PTPRQ: variants seen among roughly 807,000 people sequenced by gnomAD.
PTPRQ encodes the protein phosphatidylinositol phosphatase PTPRQ.
A neutral mutation model predicts 246.0 loss-of-function variants in PTPRQ; 199 were observed. The observed-to-expected ratio is 0.81, with a 90% confidence interval of 0.72 to 0.91. PTPRQ has a LOEUF of 0.91. Ranked by LOEUF, PTPRQ falls within the 40% of genes least tolerant of loss-of-function variation. PTPRQ has a pLI of 0.00. For missense variants in PTPRQ, 2,624 were observed against 2,528.4 expected (o/e 1.04, Z -0.81); for synonymous variants, 869 against 853.2 (o/e 1.02, Z -0.32).
chr12:80,487,823 C>T (rs1474225852), intron 9 of PTPRQ, among the ~76,000 whole-genome samples: 1 of 152,050 alleles, frequency 6.6e-6, no homozygotes, highest in African/African-American at 2.4e-5. Flanking sequence ...AACAATTTTC[C>T]ACAAACTTAG....
chr12:80,546,589 G>C lies in PTPRQ; in HGVS notation c.3907G>C (p.Val1303Leu), dbSNP rs560300818. The C allele has an allele frequency of 6.5e-7, 1 of 1,548,388 alleles. No homozygotes were observed. The highest frequency in any genetic ancestry group is 2.5e-5 in the East Asian group (1 of 40,778). The part of the protein sequence containing the change: ...ISGFKTEAKL[V>L]GLEPVSTYSI... ...AGGATTTAAAACTGAAGCCAAACTT[G>C]TTGGACTGGAACCAGTCAGCACCTA... Residue 1303 changes from valine to leucine, a missense_variant, in exon 24 of 45, where the codon GTT (valine) becomes CTT (leucine). Val to Leu is a conservative substitution (Grantham distance 32). Transcript: ENST00000644991.
intron 39 of PTPRQ, among the ~76,000 whole-genome samples, chr12:80,662,329 A>G (rs1900657789): frequency 6.6e-6 from 1 of 151,988 alleles, no homozygotes; most frequent in South Asian, 2.1e-4. Flanking sequence ...GCAATATTTA[A>G]ATTACTTTTT....
intron 25 of PTPRQ, among the ~76,000 whole-genome samples, chr12:80,581,244 T>A (rs542755263): frequency 6.6e-6 from 1 of 152,152 alleles, no homozygotes; most frequent in Non-Finnish European, 1.5e-5. Flanking sequence ...TGGTAGTAGA[T>A]CTAAAAAAGA....
intron 43 of PTPRQ, among the ~76,000 whole-genome samples, chr12:80,674,216 G>A (rs1013797894): frequency 6.6e-5 from 10 of 152,044 alleles, no homozygotes; most frequent in Non-Finnish European, 1.5e-4. Flanking sequence ...CAGTAAATAC[G>A]CAGGCCTGCT....
At position 80,496,039 on chromosome 12, in the gene PTPRQ, C is replaced by T. The variant is rs2120656256; in HGVS notation, c.1923C>T (p.Ala641=). 1 of 1,550,154 alleles carries T rather than the reference C, an allele frequency of 6.5e-7. No individual in the cohort carries two copies. The highest frequency in any genetic ancestry group is 8.7e-7 in the Non-Finnish European group (1 of 1,146,272). The change falls in exon 13 of 45, where the codon GCC becomes GCT. Residue 641 remains alanine, a synonymous_variant. Coordinates refer to ENST00000644991, the MANE Select transcript of PTPRQ (RefSeq NM_001145026.2). ...KYTKYKMRVA[A]STHVGESSLS... ...CAAAATACAAAATGAGAGTGGCAGC[C>T]TCAACCCACGTTGGAGAAAGTTCTT...
In PTPRQ at chr12:80,610,419, T is replaced by C; in HGVS notation, c.4732-20T>C. 6.9e-7 allele frequency: 1 copy of C among 1,451,002 alleles called. No homozygotes were observed. Among genetic ancestry groups the C allele is most frequent in the Non-Finnish European group, 9.1e-7 (1 of 1,102,598 alleles). The allele number at this position is 1,451,002 out of a possible 1,614,324, so 89.9% of individuals were successfully genotyped here. ...ATTTCAAGTGCTGCTTCCTTAATTTTTACTTATATTTTCCTATAGGTAGAT... is the reference window on the plus strand; with the variant it reads ...ATTTCAAGTGCTGCTTCCTTAATTTCTACTTATATTTTCCTATAGGTAGAT... On this transcript the variant is annotated intron_variant, in intron 27 of 44. Transcript: ENST00000644991.
At position 80,673,242 on chromosome 12, in the gene PTPRQ, G is replaced by T. The variant is rs1301184213; in HGVS notation, c.6676G>T (p.Val2226Leu). 1 of 1,550,880 alleles carries T rather than the reference G, an allele frequency of 6.4e-7. No individual in the cohort carries two copies. Among genetic ancestry groups the T allele is most frequent in the Non-Finnish European group, 8.7e-7 (1 of 1,146,426 alleles). Residue 2226 changes from valine to leucine, a missense_variant, in exon 43 of 45, where the codon GTG (valine) becomes TTG (leucine). By Grantham distance (32) the Val-to-Leu change is conservative. Transcript: ENST00000644991. ...LTQHINDHDF[V>L]DIYGLVAELR... ...ACAACATATAAATGACCATGATTTT[G>T]TGGATATATATGGACTAGTAGCTGA...
intron 25 of PTPRQ, among the ~76,000 whole-genome samples, chr12:80,557,774 T>A (rs2120902912): frequency 6.6e-6 from 1 of 152,256 alleles, no homozygotes; most frequent in Admixed American, 6.5e-5. Flanking sequence ...TGCAAAACTG[T>A]ACACAAATAG....
chr12:80,510,682 A>C (rs1000446972), intron 17 of PTPRQ, among the ~76,000 whole-genome samples: 1 of 152,218 alleles, frequency 6.6e-6, no homozygotes, highest in Admixed American at 6.5e-5. Context: ...TAATTATACT[A>C]AATTCCTACT....
chr12:80,637,541 A>G (rs1565833873), intron 35 of PTPRQ, among the ~76,000 whole-genome samples: 1 of 152,172 alleles, frequency 6.6e-6, no homozygotes, highest in East Asian at 1.9e-4. Context: ...GGTATTCACA[A>G]TTGTTTGTAA....
At chr12:80,481,705 A>G (rs1206699097) in intron 8 of PTPRQ, among the ~76,000 whole-genome samples, 2 of 152,038 alleles carry the variant, frequency 1.3e-5, no homozygotes, top group African/African-American at 4.8e-5. Context: ...ATGTACAAAA[A>G]TCACAAGCAT....
intron 25 of PTPRQ, among the ~76,000 whole-genome samples, chr12:80,581,416 A>C (rs1280743512): frequency 6.6e-6 from 1 of 152,170 alleles, no homozygotes; most frequent in Non-Finnish European, 1.5e-5. Flanking sequence ...TGGGCAGATC[A>C]GTTGAGCCCA....
intron 25 of PTPRQ, among the ~76,000 whole-genome samples, chr12:80,585,703 T>C (rs1250389954): frequency 6.6e-6 from 1 of 152,138 alleles, no homozygotes; most frequent in Admixed American, 6.5e-5. Context: ...GTCCCCTACC[T>C]ACATATGGAA....
chr12:80,477,675 G>A (rs549195982), intron 8 of PTPRQ, among the ~76,000 whole-genome samples: 2 of 152,042 alleles, frequency 1.3e-5, no homozygotes, highest in South Asian at 4.1e-4. Flanking sequence ...TGTGCGCACC[G>A]TGTGCGAGCC....
intron 25 of PTPRQ, among the ~76,000 whole-genome samples, chr12:80,563,417 C>G (rs923268763): frequency 2.0e-5 from 3 of 152,114 alleles, no homozygotes; most frequent in Non-Finnish European, 2.9e-5. Flanking sequence ...GGGCCCTAAT[C>G]CCACTCGTGA....
At chr12:80,671,229 A>G (rs939070311) in intron 42 of PTPRQ, among the ~76,000 whole-genome samples, 1 of 152,122 alleles carries the variant, frequency 6.6e-6, no homozygotes, top group Non-Finnish European at 1.5e-5. Flanking sequence ...AACAATGCTT[A>G]TATTTATAAA....
intron 27 of PTPRQ, 50 bp downstream of exon 27, chr12:80,605,230 T>C (rs1368106088): frequency 4.6e-6 from 7 of 1,520,572 alleles, no homozygotes; most frequent in Admixed American, 2.1e-5. Context: ...TGGTTAATAA[T>C]ACAAGATTTG....
intron 25 of PTPRQ, among the ~76,000 whole-genome samples, chr12:80,575,187 A>G (rs777144272): frequency 6.6e-5 from 10 of 152,226 alleles, no homozygotes; most frequent in Non-Finnish European, 1.3e-4. Context: ...TGAACACTTT[A>G]GTGTATAATA....
At chr12:80,658,455 T>A (rs1299162699) in intron 39 of PTPRQ, among the ~76,000 whole-genome samples, 1 of 152,074 alleles carries the variant, frequency 6.6e-6, no homozygotes, top group Non-Finnish European at 1.5e-5. Context: ...CCCTTCTAGA[T>A]CTGCAGTCCT....
Sources: gnomAD v4.1 joint callset for allele counts (sites outside exome capture counted in the v4.1 genomes callset) on GRCh38, gnomAD v4.1.1 for gene constraint, MANE v1.5 for transcripts, NCBI Gene and HGNC (gene_info 2026-07-23, HGNC 2026-07-21) for gene names.